GTF2H1: variants seen among roughly 807,000 people sequenced by gnomAD.
The protein encoded by GTF2H1 is BTF2 p62.
GTF2H1 carries 16 observed loss-of-function variants against 71.2 expected under a neutral mutation model. That is an observed-to-expected ratio of 0.22 (90% CI 0.15 to 0.34). The LOEUF is 0.34. Among genes scored for constraint, GTF2H1 ranks in the 10% least tolerant of loss-of-function variants. The pLI is 1.00. For missense variants in GTF2H1, 498 were observed against 648.2 expected, an observed-to-expected ratio of 0.77 and a Z score of 2.52; for synonymous variants, 215 against 219.0, an observed-to-expected ratio of 0.98 and a Z score of 0.16.
intron 1 of GTF2H1, among the ~76,000 whole-genome samples, chr11:18,330,587 G>A (rs1025923642): frequency 1.3e-5 from 2 of 152,180 alleles, no homozygotes; most frequent in African/African-American, 4.8e-5. Flanking sequence ...TTATTTGCAC[G>A]GGAGGGCTAT....
rs1864948003 is a variant in GTF2H1 at position 18,333,436 on chromosome 11, TCTAC to T, written c.154+211_154+214del. On this transcript the variant is annotated intron_variant, in intron 2 of 14. Coordinates refer to ENST00000265963, the MANE Select transcript of GTF2H1 (RefSeq NM_005316.4). ...TACAGGTTTACATATAATATGTAAA[TCTAC>T]CTGACATATAGATCTCCACACACTT... 6 of 392,306 alleles carry T rather than the reference TCTAC, an allele frequency of 1.5e-5. No homozygotes were observed. In the South Asian group the frequency reaches 3.2e-4, roughly 21 times the overall value. 24.3% of individuals were successfully genotyped at this position (392,306 alleles called of 1,614,324 possible).
rs1250888459 is a variant in GTF2H1, at chr11:18,338,198, G to A, written c.437G>A (p.Arg146His). The A allele has an allele frequency of 1.9e-6, 3 of 1,607,954 alleles. No homozygotes were observed. Among genetic ancestry groups the A allele is most frequent in the Non-Finnish European group, 1.7e-6 (2 of 1,174,360 alleles). The change falls in exon 4 of 15, where the codon CGT becomes CAT. Residue 146 changes from arginine (R) to histidine (H), a missense_variant. Arg to His is a conservative substitution (Grantham distance 29). Transcript: ENST00000265963. ...VISAEEFWAN[R>H]LNVNATDSSS... ...AGTGCTGAGGAATTCTGGGCCAATC[G>A]TTTAAATGTGAATGCAACAGATAGT...
intron 1 of GTF2H1, among the ~76,000 whole-genome samples, chr11:18,331,081 T>A (rs1864883439): frequency 6.6e-6 from 1 of 152,158 alleles, no homozygotes; most frequent in Non-Finnish European, 1.5e-5. Context: ...AGGGTTTCAC[T>A]TTCATCCCCA....
At chr11:18,349,822 T>G (rs1865385409) in intron 9 of GTF2H1, among the ~76,000 whole-genome samples, 4 of 152,252 alleles carry the variant, frequency 2.6e-5, no homozygotes, top group South Asian at 4.1e-4. Flanking sequence ...ATACACCTAA[T>G]GTATGGAACA....
At chr11:18,352,619 A>G (rs1865452394) in intron 11 of GTF2H1, among the ~76,000 whole-genome samples, 173 bp downstream of exon 11, 2 of 152,258 alleles carry the variant, frequency 1.3e-5, no homozygotes, top group African/African-American at 4.8e-5. Flanking sequence ...GGCATATTCA[A>G]GAGGCATCTG....
chr11:18,358,006 G>T lies in GTF2H1; in HGVS notation c.1315G>T (p.Ala439Ser), dbSNP rs373262636. ...CATCACAGCACTGTCACCTGGAGGG[G>T]CACTTATGCAGGGAGGAACACAGCA... ...STITALSPGG[A>S]LMQGGTQQAI... The change falls in exon 12 of 15, where the codon GCA becomes TCA. Residue 439 changes from alanine to serine, a missense_variant. By Grantham distance (99) the Ala-to-Ser change is moderately conservative (BLOSUM62 1). Coordinates refer to ENST00000265963, the MANE Select transcript of GTF2H1 (RefSeq NM_005316.4). The T allele has an allele frequency of 8.1e-6, 13 of 1,612,812 alleles. No homozygotes were observed. The highest frequency in any genetic ancestry group is 5.3e-5 in the African/African-American group (4 of 74,868).
chr11:18,357,359 A>C (rs1250922546), intron 11 of GTF2H1, among the ~76,000 whole-genome samples: 1 of 152,206 alleles, frequency 6.6e-6, no homozygotes, highest in Non-Finnish European at 1.5e-5. Flanking sequence ...CTTGAAAATT[A>C]AATGACAGTT....
chr11:18,334,117 C>T (rs1864965972), intron 2 of GTF2H1, among the ~76,000 whole-genome samples: 1 of 152,138 alleles, frequency 6.6e-6, no homozygotes, highest in Non-Finnish European at 1.5e-5. Context: ...CGGTGGCTCA[C>T]GCCTGTAATC....
At chr11:18,339,321 A>G (rs1174308926) in intron 4 of GTF2H1, among the ~76,000 whole-genome samples, 1 of 152,214 alleles carries the variant, frequency 6.6e-6, no homozygotes, top group Non-Finnish European at 1.5e-5. Context: ...TCATACTTAA[A>G]CATGCCTATT....
intron 1 of GTF2H1, among the ~76,000 whole-genome samples, chr11:18,330,832 G>T (rs550941626): frequency 2.0e-5 from 3 of 152,234 alleles, no homozygotes; most frequent in Admixed American, 6.5e-5. Flanking sequence ...CCTTGGCTCA[G>T]TACAGATTTG....
intron 1 of GTF2H1, among the ~76,000 whole-genome samples, chr11:18,325,024 C>T (rs1283242225): frequency 6.6e-6 from 1 of 152,180 alleles, no homozygotes; most frequent in Non-Finnish European, 1.5e-5. Flanking sequence ...CCCTTTAATG[C>T]TGAATTGTTC....
At chr11:18,364,167 C>T (rs1865768449) in intron 14 of GTF2H1, among the ~76,000 whole-genome samples, 1 of 152,122 alleles carries the variant, frequency 6.6e-6, no homozygotes, top group South Asian at 2.1e-4. Flanking sequence ...TACTGCTGCC[C>T]ATCAAACAGA....
intron 7 of GTF2H1, among the ~76,000 whole-genome samples, chr11:18,343,775 T>C (rs1865219141): frequency 6.6e-6 from 1 of 152,186 alleles, no homozygotes; most frequent in Non-Finnish European, 1.5e-5. Context: ...ATTCCCTCTC[T>C]TAGTAAAAAG....
At position 18,360,635 on chromosome 11, in the gene GTF2H1, T is replaced by C; in HGVS notation, c.1488T>C (p.Asn496=). ...LEEKVVKMKS[N]LERFQVTKLC... is the part of the protein sequence containing the mutation. Reference sequence around the variant, plus strand: ...TTTAGGTAGTGAAAATGAAAAGTAATTTGGAACGATTCCAAGTTACGAAGC... The same window carrying C: ...TTTAGGTAGTGAAAATGAAAAGTAACTTGGAACGATTCCAAGTTACGAAGC... Residue 496 remains asparagine, a synonymous_variant, in exon 14 of 15, where the codon AAT becomes AAC. Coordinates refer to ENST00000265963, the MANE Select transcript of GTF2H1 (RefSeq NM_005316.4). 6.5e-7 allele frequency: 1 copy of C among 1,542,888 alleles called. No homozygotes were observed. Among genetic ancestry groups the C allele is most frequent in the Non-Finnish European group, 8.7e-7 (1 of 1,143,948 alleles).
In GTF2H1 at chr11:18,366,104, A is replaced by T; in HGVS notation, c.*235A>T. Reference sequence around the variant, plus strand: ...ACAGAACCAAATGAGCTAAGTTGCAAATATATATATATACACACACACACA... The same window carrying T: ...ACAGAACCAAATGAGCTAAGTTGCATATATATATATATACACACACACACA... On this transcript the variant is annotated 3_prime_UTR_variant, in exon 15 of 15. Coordinates refer to ENST00000265963, the MANE Select transcript of GTF2H1 (RefSeq NM_005316.4). 5 of 535,374 alleles carry T rather than the reference A, an allele frequency of 9.3e-6. No homozygotes were observed. Among genetic ancestry groups the T allele is most frequent in the South Asian group, 7.4e-5 (3 of 40,276 alleles). 33.2% of individuals were successfully genotyped at this position (535,374 alleles called of 1,614,324 possible). A position where few individuals can be genotyped will look rare whatever the true frequency, so the allele number is the denominator to read the frequency against.
chr11:18,333,915 A>G (rs1864961302), intron 2 of GTF2H1, among the ~76,000 whole-genome samples: 1 of 152,150 alleles, frequency 6.6e-6, no homozygotes, highest in Non-Finnish European at 1.5e-5. Flanking sequence ...TCAACCTTAT[A>G]GTGAATGTAG....
At chr11:18,342,586 A>G (rs937133786) in intron 7 of GTF2H1, among the ~76,000 whole-genome samples, 2 of 152,064 alleles carry the variant, frequency 1.3e-5, no homozygotes, top group Non-Finnish European at 2.9e-5. Flanking sequence ...TTATACTTTG[A>G]TCATACAGTG....
intron 11 of GTF2H1, among the ~76,000 whole-genome samples, chr11:18,354,197 C>T (rs7104552): frequency 1 from 151,972 of 152,338 alleles, 75,804 homozygotes; most frequent in Non-Finnish European, 1. Context: ...TTGCCAGAAA[C>T]TCCACAGAAG....
rs781700044 is a variant in GTF2H1 at position 18,341,247 on chromosome 11, G to GT, written c.608-7dup. 2.5e-6 allele frequency: 4 copies of GT among 1,600,080 alleles called. No individual in the cohort carries two copies. Among genetic ancestry groups the GT allele is most frequent in the South Asian group, 1.1e-5 (1 of 88,892 alleles). On this transcript the variant is annotated splice_polypyrimidine_tract_variant and intron_variant, in intron 5 of 14. Transcript: ENST00000265963. ...GAAATTCAGTATATAATATTTGTGG[G>GT]TTTTTTTCCACAGTAAAAATGAAAT...
Sources: gnomAD v4.1 joint callset for allele counts (sites outside exome capture counted in the v4.1 genomes callset) on GRCh38, gnomAD v4.1.1 for gene constraint, MANE v1.5 for transcripts, NCBI Gene and HGNC (gene_info 2026-07-23, HGNC 2026-07-21) for gene names.